Variants in NALCN observed in about 807,000 individuals in gnomAD.
The protein encoded by NALCN is sodium leak channel, non-selective.
In NALCN, 111 loss-of-function variants were observed where a neutral mutation model predicts 225.3. That is an observed-to-expected ratio of 0.49 (90% confidence interval 0.42 to 0.58). NALCN has a LOEUF of 0.58. Among genes scored for constraint, NALCN ranks in the 20% least tolerant of loss-of-function variants. The pLI is 0.00. For synonymous variants in NALCN, 764 were observed against 769.0 expected, an observed-to-expected ratio of 0.99 and a Z score of 0.11; for missense variants, 1,378 against 2,202.4, an observed-to-expected ratio of 0.63 and a Z score of 7.49.
At chr13:101,374,809 T>G (rs1265015768) in intron 6 of NALCN, among the ~76,000 whole-genome samples, 1 of 152,124 alleles carries the variant, frequency 6.6e-6, no homozygotes, top group Non-Finnish European at 1.5e-5. Context: ...CTTTTTGGAG[T>G]TGACATTCTT....
chr13:101,408,877 C>T (rs2047698772), intron 1 of NALCN, among the ~76,000 whole-genome samples: 1 of 152,100 alleles, frequency 6.6e-6, no homozygotes, highest in African/African-American at 2.4e-5. Flanking sequence ...TTTCAAAGAA[C>T]CATCTCCAAA....
chr13:101,375,686 C>T (rs570598573), intron 6 of NALCN, among the ~76,000 whole-genome samples: 216 of 152,228 alleles, frequency 1.4e-3, no homozygotes, highest in Non-Finnish European at 2.7e-3. Flanking sequence ...ATTTTTCAAT[C>T]GGTAATTTAT....
intron 37 of NALCN, among the ~76,000 whole-genome samples, chr13:101,069,883 G>A (rs568427221): frequency 1.1e-4 from 17 of 152,130 alleles, no homozygotes; most frequent in African/African-American, 3.1e-4. Flanking sequence ...CAATTCAGTC[G>A]CGTCTTCAGG....
At chr13:101,360,868 C>G (rs2046232687) in intron 6 of NALCN, among the ~76,000 whole-genome samples, 4 of 152,108 alleles carry the variant, frequency 2.6e-5, no homozygotes. Context: ...GGCATGCTAC[C>G]CTTGGGCAGG....
At chr13:101,087,586 T>C (rs2033996253) in intron 30 of NALCN, among the ~76,000 whole-genome samples, 2 of 152,070 alleles carry the variant, frequency 1.3e-5, no homozygotes, top group Non-Finnish European at 2.9e-5. Context: ...CTTGGTAATA[T>C]AATTTCTTGT....
rs10624930 is a variant in NALCN, at chr13:101,177,409, G to GTATATATATATATA, written c.1765-1049_1765-1036dup. Among the ~76,000 whole-genome samples, 737 of 124,308 alleles carry GTATATATATATATA rather than the reference G, an allele frequency of 5.9e-3. 12 individuals are homozygous for GTATATATATATATA. Among genetic ancestry groups the GTATATATATATATA allele is most frequent in the African/African-American group, 0.019 (679 of 36,336 alleles). 81.6% of individuals were successfully genotyped at this position (124,308 alleles called of 152,430 possible). On this transcript the variant is annotated intron_variant, in intron 14 of 43. Coordinates refer to ENST00000251127, the MANE Select transcript of NALCN (RefSeq NM_052867.4). ...AAACACATTATAACAGTAAATACGA[G>GTATATATATATATA]TATATATATATATATATATATATGG... is the stretch of plus-strand genomic sequence containing the variant.
At chr13:101,181,717 T>G (rs2039235406) in intron 14 of NALCN, among the ~76,000 whole-genome samples, 1 of 151,772 alleles carries the variant, frequency 6.6e-6, no homozygotes. Context: ...ACTCTAGGCC[T>G]GGATGGCAGA....
intron 7 of NALCN, among the ~76,000 whole-genome samples, chr13:101,301,286 T>C (rs1481891273): frequency 6.6e-6 from 1 of 152,140 alleles, no homozygotes; most frequent in Admixed American, 6.5e-5. Context: ...CGCTCGGCAA[T>C]TTCCAGGTAG....
intron 15 of NALCN, among the ~76,000 whole-genome samples, chr13:101,148,630 G>T (rs998954959): frequency 6.6e-6 from 1 of 152,156 alleles, no homozygotes; most frequent in Admixed American, 6.5e-5. Flanking sequence ...CTGTAAACTT[G>T]GTGAGGACAG....
At chr13:101,102,170 C>T (rs113487581) in intron 26 of NALCN, among the ~76,000 whole-genome samples, 10,735 of 151,734 alleles carry the variant, frequency 0.071, 656 homozygotes, top group African/African-American at 0.17. Context: ...GTAGTCTCAG[C>T]TACTTGGGAG....
At chr13:101,161,051 C>A (rs1159319140) in intron 15 of NALCN, among the ~76,000 whole-genome samples, 6 of 152,306 alleles carry the variant, frequency 3.9e-5, no homozygotes, top group Admixed American at 6.5e-5. Flanking sequence ...CCACCCTATA[C>A]AATCTCATCC....
At chr13:101,377,869 G>C (rs2046739025) in intron 4 of NALCN, among the ~76,000 whole-genome samples, 1 of 152,030 alleles carries the variant, frequency 6.6e-6, no homozygotes, top group Admixed American at 6.6e-5. Flanking sequence ...AACTTTAGTT[G>C]AATTAAAAGG....
At position 101,055,102 on chromosome 13, in the gene NALCN, G is replaced by T; in HGVS notation, c.*193C>A. The T allele has an allele frequency of 1.8e-6, 1 of 559,198 alleles. No individual in the cohort carries two copies. Among genetic ancestry groups the T allele is most frequent in the South Asian group, 2.7e-5 (1 of 37,266 alleles). The allele number at this position is 559,198 out of a possible 1,614,324, so 34.6% of individuals were successfully genotyped here. A position where few individuals can be genotyped will look rare whatever the true frequency, so the allele number is the denominator to read the frequency against. ...ACTGTCATTATACAAAAATTTTTTTGAGCAATGATTGATAGTAACCCATCA... is the reference window on the plus strand; with the variant it reads ...ACTGTCATTATACAAAAATTTTTTTTAGCAATGATTGATAGTAACCCATCA... On this transcript the variant is annotated 3_prime_UTR_variant, in exon 44 of 44. Transcript: ENST00000251127.
intron 13 of NALCN, among the ~76,000 whole-genome samples, chr13:101,228,838 G>A (rs1248145609): frequency 1.3e-5 from 2 of 151,770 alleles, no homozygotes; most frequent in Non-Finnish European, 2.9e-5. Flanking sequence ...AAATTTCAAG[G>A]TCCTTCTGGT....
chr13:101,191,894 T>TG, intron 14 of NALCN, 23 bp downstream of exon 14: 1 of 1,537,812 alleles, frequency 6.5e-7, no homozygotes, highest in Non-Finnish European at 8.8e-7. Flanking sequence ...AAGATATAAT[T>TG]GAAAAAAAAA....
At chr13:101,176,267 C>G (rs772636902) in intron 15 of NALCN, 33 bp downstream of exon 15, 2 of 1,467,106 alleles carry the variant, frequency 1.4e-6, no homozygotes, top group Non-Finnish European at 1.8e-6. Flanking sequence ...GTTTTTTGTC[C>G]TTTTTAAAAA....
intron 13 of NALCN, among the ~76,000 whole-genome samples, chr13:101,203,806 T>G (rs2040217501): frequency 3.3e-5 from 5 of 152,210 alleles, no homozygotes; most frequent in Admixed American, 3.3e-4. Context: ...TTCCAGTCTA[T>G]TTTTCCAAGC....
chr13:101,120,629 T>G (rs984798361), intron 18 of NALCN, among the ~76,000 whole-genome samples: 1 of 152,148 alleles, frequency 6.6e-6, no homozygotes, highest in African/African-American at 2.4e-5. Context: ...AAATTTCATG[T>G]GTGAAGAGGA....
intron 17 of NALCN, among the ~76,000 whole-genome samples, chr13:101,129,652 C>T (rs1462903349): frequency 6.6e-6 from 1 of 151,612 alleles, no homozygotes; most frequent in African/African-American, 2.4e-5. Flanking sequence ...TGGAGTTGGT[C>T]ACTGTTTCAA....
Sources: gnomAD v4.1 joint callset for allele counts (sites outside exome capture counted in the v4.1 genomes callset) on GRCh38, gnomAD v4.1.1 for gene constraint, MANE v1.5 for transcripts, NCBI Gene and HGNC (gene_info 2026-07-23, HGNC 2026-07-21) for gene names.